NEK4: variants seen among roughly 807,000 people sequenced by gnomAD.
NEK4 encodes the protein NIMA related kinase 4.
Under a neutral mutation model 98.4 loss-of-function variants are expected in NEK4, and 86 were observed. That is an observed-to-expected ratio of 0.87 (90% CI 0.73 to 1.05). The LOEUF is 1.05. Ranked by LOEUF, NEK4 falls within the 50% of genes least tolerant of loss-of-function variation. NEK4 has a pLI of 0.00. For missense variants in NEK4, 898 were observed against 950.3 expected (o/e 0.94, Z 0.72); for synonymous variants, 328 against 342.2 (o/e 0.96, Z 0.46).
At position 52,745,937 on chromosome 3, in the gene NEK4, A is replaced by C. The variant is rs987093564; in HGVS notation, c.1827+124T>G. ...AAGGTCTCACTATATTGCCCAGGCC[A>C]GTCTTGAACTCTTGGACTCAATTGA... On this transcript the variant is annotated intron_variant, in intron 10 of 15. Transcript: ENST00000233027. 13 of 843,500 alleles carry C rather than the reference A, an allele frequency of 1.5e-5. No homozygotes were observed. The South Asian group carries it at 2.2e-4, about 14-fold the overall frequency. The allele number at this position is 843,500 out of a possible 1,614,324, so 52.3% of individuals were successfully genotyped here.
chr3:52,768,333 A>G lies in NEK4; in HGVS notation c.360+5T>C, dbSNP rs1698651896. The G allele has an allele frequency of 1.9e-6, 3 of 1,613,876 alleles. No homozygotes were observed. The highest frequency in any genetic ancestry group is 1.6e-4 in the Middle Eastern group (1 of 6,084). On this transcript the variant is annotated splice_donor_5th_base_variant and intron_variant, in intron 2 of 15. Coordinates refer to ENST00000233027, the MANE Select transcript of NEK4 (RefSeq NM_003157.6). ...AAGCTAGGATGCTATTAGTCTACACAGTACCTGCAAAGCCATGGCGATCTG... is the reference window on the plus strand; with the variant it reads ...AAGCTAGGATGCTATTAGTCTACACGGTACCTGCAAAGCCATGGCGATCTG...
At chr3:52,763,051 A>G (rs1366810456) in intron 5 of NEK4, among the ~76,000 whole-genome samples, 1 of 152,220 alleles carries the variant, frequency 6.6e-6, no homozygotes, top group Non-Finnish European at 1.5e-5. Context: ...AGAATTCTAT[A>G]AACAGACCTT....
intron 7 of NEK4, among the ~76,000 whole-genome samples, chr3:52,751,178 G>A (rs539591921): frequency 2.1e-3 from 315 of 152,176 alleles, no homozygotes; most frequent in Non-Finnish European, 3.6e-3. Flanking sequence ...GGCATCGGCC[G>A]AGTGCGGTGG....
chr3:52,726,324 C>T (rs750116582), intron 15 of NEK4, among the ~76,000 whole-genome samples: 28 of 152,254 alleles, frequency 1.8e-4, no homozygotes, highest in African/African-American at 5.5e-4. Context: ...TGGGGCTGGG[C>T]GCAGTGGCTC....
chr3:52,759,676 C>T (rs1357620804), intron 6 of NEK4, among the ~76,000 whole-genome samples: 1 of 152,006 alleles, frequency 6.6e-6, no homozygotes, highest in African/African-American at 2.4e-5. Flanking sequence ...GCAACAGTTC[C>T]TCAAAAAGTC....
chr3:52,709,039 C>G lies in NEK4; in HGVS notation c.*2738G>C, dbSNP rs920716816. The G allele has an allele frequency of 6.6e-6, 1 of 151,908 alleles. No homozygotes were observed. Among genetic ancestry groups the G allele is most frequent in the Admixed American group, 6.6e-5 (1 of 15,250 alleles). The allele number at this position is 151,908 out of a possible 1,614,324, so 9.4% of individuals were successfully genotyped here. A position where few individuals can be genotyped will look rare whatever the true frequency, so the allele number is the denominator to read the frequency against. ...CATCTCTACTAAAAATAACGAAAATCAGCCAGGCATGGTGGTGTGTGCCTG... is the reference window on the plus strand; with the variant it reads ...CATCTCTACTAAAAATAACGAAAATGAGCCAGGCATGGTGGTGTGTGCCTG... On this transcript the variant is annotated 3_prime_UTR_variant, in exon 16 of 16. Transcript: ENST00000233027.
rs769785712 is a variant in NEK4, at chr3:52,765,921, A to C, written c.632T>G (p.Met211Arg). The change falls in exon 4 of 16, where the codon ATG (methionine) becomes AGG (arginine). Residue 211 changes from methionine (M) to arginine (R), a missense_variant. Transcript: ENST00000233027. ...AATAATCCGATAAACTAAAGAATTC[A>C]TATCTTTTGCATTGAAAGCATGCTT... ...TLKHAFNAKD[M>R]NSLVYRIIEG... 1.2e-6 allele frequency: 2 copies of C among 1,611,012 alleles called. No homozygotes were observed. The highest frequency in any genetic ancestry group is 1.7e-6 in the Non-Finnish European group (2 of 1,177,186).
chr3:52,732,603 C>G, intron 15 of NEK4: 1 of 301,848 alleles, frequency 3.3e-6, no homozygotes, highest in Non-Finnish European at 6.8e-6. Context: ...ACTTGACATT[C>G]ATGGATGTGG....
intron 15 of NEK4, among the ~76,000 whole-genome samples, chr3:52,713,740 G>A (rs2097352504): frequency 7.2e-6 from 1 of 139,834 alleles, no homozygotes; most frequent in Non-Finnish European, 1.5e-5. Flanking sequence ...GTTGCGGTGA[G>A]CCAAGATTGC....
intron 15 of NEK4, among the ~76,000 whole-genome samples, chr3:52,729,383 G>GA (rs1248809397): frequency 2.6e-5 from 4 of 151,976 alleles, no homozygotes; most frequent in Non-Finnish European, 5.9e-5. Context: ...CAGCCTGGGG[G>GA]ATGGAGCGAA....
intron 15 of NEK4, among the ~76,000 whole-genome samples, chr3:52,713,359 T>G (rs570149858): frequency 6.6e-6 from 1 of 152,348 alleles, no homozygotes; most frequent in South Asian, 2.1e-4. Context: ...GTCTCATCCT[T>G]ATGAGCAGCC....
At chr3:52,713,281 T>C (rs1189810563) in intron 15 of NEK4, among the ~76,000 whole-genome samples, 4 of 152,130 alleles carry the variant, frequency 2.6e-5, no homozygotes, top group African/African-American at 9.7e-5. Flanking sequence ...ATAACCTAAA[T>C]CTATTCATGA....
chr3:52,715,958 G>C (rs904170989), intron 15 of NEK4, among the ~76,000 whole-genome samples: 1 of 152,184 alleles, frequency 6.6e-6, no homozygotes, highest in Non-Finnish European at 1.5e-5. Flanking sequence ...GTGGTTCCTG[G>C]CATCTCCAAG....
chr3:52,744,205 T>G lies in NEK4; in HGVS notation c.1894+34A>C, dbSNP rs1231815793. On this transcript the variant is annotated intron_variant, in intron 11 of 15. Transcript: ENST00000233027. ...TCTGTCCACGAACCATACCCCTAACTGCCAATTAGATGAAGAAAAGAAGTC... is the reference window on the plus strand; with the variant it reads ...TCTGTCCACGAACCATACCCCTAACGGCCAATTAGATGAAGAAAAGAAGTC... 2.0e-6 allele frequency: 3 copies of G among 1,535,076 alleles called. No individual in the cohort carries two copies. The Admixed American group carries it at 5.0e-5, about 26-fold the overall frequency.
At chr3:52,764,169 C>T (rs1698462963) in intron 4 of NEK4, among the ~76,000 whole-genome samples, 1 of 151,800 alleles carries the variant, frequency 6.6e-6, no homozygotes. Flanking sequence ...CACCTGTAAT[C>T]CCAGTTACTC....
rs1465464975 is a variant in NEK4 at position 52,760,897 on chromosome 3, T to C, written c.861A>G (p.Gln287=). 1.3e-6 allele frequency: 2 copies of C among 1,594,906 alleles called. No homozygotes were observed. Among genetic ancestry groups the C allele is most frequent in the Non-Finnish European group, 1.7e-6 (2 of 1,170,962 alleles). The change falls in exon 6 of 16, where the codon CAA becomes CAG. Residue 287 remains glutamine, a synonymous_variant. Coordinates refer to ENST00000233027, the MANE Select transcript of NEK4 (RefSeq NM_003157.6). ...AAACCACTGTAGCAAAAGGCTTGGA[T>C]TGAGAGTCACCATTTTTAATGTTAT... ...SKNNIKNGDS[Q]SKPFATVVSG... is the part of the protein sequence containing the mutation.
At chr3:52,727,481 A>G (rs2097365609) in intron 15 of NEK4, among the ~76,000 whole-genome samples, 1 of 152,184 alleles carries the variant, frequency 6.6e-6, no homozygotes, top group Admixed American at 6.5e-5. Context: ...ATTTGTGGGA[A>G]CCAAATAACA....
intron 6 of NEK4, chr3:52,754,463 G>C (rs1401270447): frequency 1.6e-6 from 1 of 638,360 alleles, no homozygotes; most frequent in Non-Finnish European, 3.0e-6. Context: ...TAAAGTGGTT[G>C]ACAGTGTTAA....
Position 52,770,934 on chromosome 3 carries a change from C to T in NEK4, c.-188G>A. On this transcript the variant is annotated 5_prime_UTR_variant, in exon 1 of 16. Transcript: ENST00000233027. ...CTGCCATAGCGATCCGGGCCGGGAG[C>T]AGTTCTGCGCATGCTCCTGCGTCCC... The T allele has an allele frequency of 3.3e-6, 2 of 597,180 alleles. No individual in the cohort carries two copies. The highest frequency in any genetic ancestry group is 8.9e-4 in the Middle Eastern group (2 of 2,244). The allele number at this position is 597,180 out of a possible 1,614,324, so 37.0% of individuals were successfully genotyped here. A position where few individuals can be genotyped will look rare whatever the true frequency, so the allele number is the denominator to read the frequency against.
Sources: allele counts gnomAD v4.1 joint callset (sites outside exome capture counted in the v4.1 genomes callset), GRCh38; gene constraint gnomAD v4.1.1; transcripts MANE v1.5; gene names NCBI Gene and HGNC (gene_info 2026-07-23, HGNC 2026-07-21).